The following DOCK3 variants were observed in gnomAD, a reference collection of about 807,000 sequenced individuals.
The protein encoded by DOCK3 is dedicator of cytokinesis protein 3.
In DOCK3, 60 loss-of-function variants were observed where a neutral mutation model predicts 265.6. That is an observed-to-expected ratio of 0.23 (90% CI 0.18 to 0.28). The LOEUF is 0.28. Among genes scored for constraint, DOCK3 ranks in the 10% least tolerant of loss-of-function variants. The pLI is 1.00. For missense variants in DOCK3, 1,981 were observed against 2,594.3 expected, an observed-to-expected ratio of 0.76 and a Z score of 5.14; for synonymous variants, 881 against 938.0, an observed-to-expected ratio of 0.94 and a Z score of 1.11.
At position 51,359,446 on chromosome 3, in the gene DOCK3, C is replaced by T. The variant is rs1406073161; in HGVS notation, c.4885-1065C>T. 3.3e-5 allele frequency among the ~76,000 whole-genome samples: 5 copies of T among 152,214 alleles called. No individual in the cohort carries two copies. Among genetic ancestry groups the T allele is most frequent in the African/African-American group, 9.6e-5 (4 of 41,454 alleles). ...ATGCAGAGAAGCTCTTTTACATCTC[C>T]GCCTTAAAATTGGAGTGTCCATTTA... On this transcript the variant is annotated intron_variant, in intron 46 of 52. Coordinates refer to ENST00000266037, the MANE Select transcript of DOCK3 (RefSeq NM_004947.5). This position sits in a 1 kb window ranked among gnomAD's most constrained non-coding sequence, Gnocchi z 4.8.
intron 9 of DOCK3, among the ~76,000 whole-genome samples, chr3:51,134,996 G>A (rs755740361): frequency 1.6e-4 from 24 of 152,168 alleles, no homozygotes; most frequent in African/African-American, 5.3e-4. Context: ...TGCCTGGTGC[G>A]CAAAAAAACA....
intron 5 of DOCK3, among the ~76,000 whole-genome samples, chr3:51,001,427 G>T (rs577611498): frequency 1.3e-5 from 2 of 152,118 alleles, no homozygotes; most frequent in Non-Finnish European, 2.9e-5. Context: ...GACTCTCCTG[G>T]TTCTTGGGCC....
chr3:50,797,243 G>C (rs148732098), intron 2 of DOCK3, among the ~76,000 whole-genome samples: 1 of 152,240 alleles, frequency 6.6e-6, no homozygotes, highest in East Asian at 1.9e-4. Context: ...GGTTGTGCTG[G>C]TGGTGGTGTG....
intron 38 of DOCK3, among the ~76,000 whole-genome samples, chr3:51,345,079 G>A (rs1364421329): frequency 6.6e-6 from 1 of 152,178 alleles, no homozygotes; most frequent in Non-Finnish European, 1.5e-5. Context: ...CCCATGGATT[G>A]GCTCTTGGCA....
At chr3:51,070,072 C>T (rs2109328433) in intron 6 of DOCK3, among the ~76,000 whole-genome samples, 1 of 152,236 alleles carries the variant, frequency 6.6e-6, no homozygotes. Context: ...TATGTTCAAT[C>T]GACTGACTAA....
chr3:51,131,102 T>A (rs1688797582), intron 9 of DOCK3, among the ~76,000 whole-genome samples: 2 of 152,148 alleles, frequency 1.3e-5, no homozygotes, highest in Admixed American at 1.3e-4. Context: ...TCCCTACCAG[T>A]CAGGAAGCCA....
At chr3:50,932,282 A>G (rs1408849036) in intron 4 of DOCK3, among the ~76,000 whole-genome samples, 3 of 152,172 alleles carry the variant, frequency 2.0e-5, no homozygotes, top group Non-Finnish European at 4.4e-5. Flanking sequence ...TTGATGCTCA[A>G]TTTTACTGCA....
chr3:50,709,128 G>A (rs2036597303), intron 1 of DOCK3, among the ~76,000 whole-genome samples: 1 of 152,158 alleles, frequency 6.6e-6, no homozygotes, highest in Non-Finnish European at 1.5e-5. Flanking sequence ...GATGTCACTC[G>A]TTAGACATTT....
chr3:50,775,249 G>T (rs2041517521), intron 1 of DOCK3, among the ~76,000 whole-genome samples: 1 of 151,692 alleles, frequency 6.6e-6, no homozygotes, highest in Non-Finnish European at 1.5e-5. Context: ...ATCAGGACCT[G>T]GCATTTCATT....
At chr3:50,754,134 T>C (rs2040007821) in intron 1 of DOCK3, among the ~76,000 whole-genome samples, 1 of 113,000 alleles carries the variant, frequency 8.8e-6, no homozygotes, top group Non-Finnish European at 1.6e-5. Flanking sequence ...CCAGCCTGGG[T>C]GAGACAGAGT....
chr3:51,049,895 C>T (rs116045856), intron 5 of DOCK3, among the ~76,000 whole-genome samples: 6,583 of 151,020 alleles, frequency 0.044, 184 homozygotes, highest in Non-Finnish European at 0.067. Context: ...AATCAACACA[C>T]AAATATCAGT....
At chr3:50,842,959 C>G (rs1388596963) in intron 3 of DOCK3, among the ~76,000 whole-genome samples, 2 of 152,140 alleles carry the variant, frequency 1.3e-5, no homozygotes, top group Non-Finnish European at 2.9e-5. Context: ...CTCCCACTAT[C>G]TTATTTCCAA....
intron 5 of DOCK3, among the ~76,000 whole-genome samples, chr3:50,945,308 A>C (rs1415240805): frequency 1.3e-5 from 2 of 152,134 alleles, no homozygotes; most frequent in Non-Finnish European, 2.9e-5. Flanking sequence ...ATGTATGATG[A>C]AGTTTACCAT....
chr3:51,344,977 A>AG (rs754866595), intron 38 of DOCK3, among the ~76,000 whole-genome samples: 109 of 152,338 alleles, frequency 7.2e-4, no homozygotes, highest in Non-Finnish European at 1.0e-3. Context: ...ATCCCAATGG[A>AG]GGAGAAGACC....
At chr3:51,062,390 C>T (rs1229616782) in intron 5 of DOCK3, among the ~76,000 whole-genome samples, 1 of 152,144 alleles carries the variant, frequency 6.6e-6, no homozygotes, top group African/African-American at 2.4e-5. Context: ...GGCCTTTGCA[C>T]TTGTTTCTTA....
chr3:50,797,986 T>C (rs1290546864), intron 2 of DOCK3, among the ~76,000 whole-genome samples: 7 of 152,190 alleles, frequency 4.6e-5, no homozygotes, highest in Admixed American at 3.9e-4. Context: ...TACAAAAAAC[T>C]GTAACACATA....
intron 1 of DOCK3, among the ~76,000 whole-genome samples, chr3:50,757,871 C>T (rs1326051557): frequency 6.6e-6 from 1 of 151,986 alleles, no homozygotes; most frequent in Non-Finnish European, 1.5e-5. Flanking sequence ...TGTCTTGGCA[C>T]CTTTATTGAA....
intron 5 of DOCK3, among the ~76,000 whole-genome samples, chr3:51,061,911 G>A (rs1426020731): frequency 6.6e-6 from 1 of 151,980 alleles, no homozygotes; most frequent in African/African-American, 2.4e-5. Context: ...CCTTCTTCCA[G>A]GCATGCTTTC....
intron 7 of DOCK3, among the ~76,000 whole-genome samples, chr3:51,080,839 T>C (rs935298602): frequency 1.3e-5 from 2 of 152,010 alleles, no homozygotes; most frequent in Non-Finnish European, 2.9e-5. Context: ...TTTAGTCTAG[T>C]AACCTTCCAG....
Sources: allele counts gnomAD v4.1 joint callset (sites outside exome capture counted in the v4.1 genomes callset), GRCh38; gene constraint gnomAD v4.1.1; non-coding constraint Gnocchi (gnomAD v3.1); transcripts MANE v1.5; gene names NCBI Gene and HGNC (gene_info 2026-07-23, HGNC 2026-07-21).